ARID3B: variants seen among roughly 807,000 people sequenced by gnomAD.
ARID3B encodes AT-rich interactive domain-containing protein 3B.
A neutral mutation model predicts 51.9 loss-of-function variants in ARID3B; 10 were observed. The ratio of observed to expected loss-of-function variants is 0.19; its 90% CI spans 0.12 to 0.33. The LOEUF (loss-of-function observed/expected upper bound fraction) is 0.33. Ranked by LOEUF, ARID3B falls within the 10% of genes least tolerant of loss-of-function variation. ARID3B has a pLI of 1.00. For missense variants in ARID3B, 483 were observed against 716.3 expected, an observed-to-expected ratio of 0.67 and a Z score of 3.72; for synonymous variants, 205 against 279.5, an observed-to-expected ratio of 0.73 and a Z score of 2.66.
chr15:74,585,673 G>A (rs752401884), intron 4 of ARID3B, among the ~76,000 whole-genome samples: 2 of 152,146 alleles, frequency 1.3e-5, no homozygotes, highest in African/African-American at 2.4e-5. Flanking sequence ...TCACATTTGC[G>A]GAAACTGAGG....
At chr15:74,542,596 A>G (rs2061599086) in intron 1 of ARID3B, among the ~76,000 whole-genome samples, 1 of 152,222 alleles carries the variant, frequency 6.6e-6, no homozygotes, top group Admixed American at 6.5e-5. Flanking sequence ...TTCTCCGTGA[A>G]TTTTTGAAGA....
chr15:74,551,018 T>C (rs1278177647), intron 2 of ARID3B, among the ~76,000 whole-genome samples: 3 of 152,200 alleles, frequency 2.0e-5, no homozygotes, highest in Admixed American at 6.5e-5. Flanking sequence ...AATTTGAGCA[T>C]ACTCAAGTCC....
chr15:74,570,759 ACT>A (rs1212732739), intron 2 of ARID3B, among the ~76,000 whole-genome samples: 3 of 152,112 alleles, frequency 2.0e-5, no homozygotes, highest in African/African-American at 2.4e-5. Flanking sequence ...GGGGAATGTA[ACT>A]CTGTCTGGTT....
At chr15:74,578,959 GAA>G (rs1237535827) in intron 4 of ARID3B, among the ~76,000 whole-genome samples, 1 of 152,164 alleles carries the variant, frequency 6.6e-6, no homozygotes, top group Non-Finnish European at 1.5e-5. Context: ...AGAAACGAAA[GAA>G]AATAGCCTGA....
chr15:74,594,658 C>T (rs994719500), intron 8 of ARID3B, among the ~76,000 whole-genome samples: 1 of 152,254 alleles, frequency 6.6e-6, no homozygotes. Context: ...GGCCACACTC[C>T]CTCAGAGCAC....
chr15:74,588,778 T>A (rs935762705), intron 4 of ARID3B, among the ~76,000 whole-genome samples: 9 of 151,916 alleles, frequency 5.9e-5, no homozygotes, highest in East Asian at 1.9e-4. Context: ...CCTAATCAAG[T>A]CCCTGGCTCC....
chr15:74,561,487 T>G (rs2061679335), intron 2 of ARID3B, among the ~76,000 whole-genome samples: 1 of 152,232 alleles, frequency 6.6e-6, no homozygotes, highest in Non-Finnish European at 1.5e-5. Flanking sequence ...TTCCTTAGGA[T>G]AGAGTCATAG....
At chr15:74,570,695 C>T (rs1044412030) in intron 2 of ARID3B, among the ~76,000 whole-genome samples, 1 of 152,144 alleles carries the variant, frequency 6.6e-6, no homozygotes, top group African/African-American at 2.4e-5. Context: ...GCAGGAATTA[C>T]TGGCTCAAAC....
At chr15:74,551,934 T>C (rs865861798) in intron 2 of ARID3B, among the ~76,000 whole-genome samples, 2 of 152,130 alleles carry the variant, frequency 1.3e-5, no homozygotes, top group African/African-American at 2.4e-5. Context: ...CCTGACCTCA[T>C]TGATTTCTCA....
chr15:74,569,415 C>T (rs1228934671), intron 2 of ARID3B, among the ~76,000 whole-genome samples: 1 of 152,036 alleles, frequency 6.6e-6, no homozygotes, highest in African/African-American at 2.4e-5. Context: ...GGCAAAACCC[C>T]ATCTCTACCA....
chr15:74,556,397 AAAG>A (rs758301348), intron 2 of ARID3B, among the ~76,000 whole-genome samples: 1 of 152,220 alleles, frequency 6.6e-6, no homozygotes, highest in Admixed American at 6.5e-5. Context: ...TGGTAACATC[AAAG>A]ATGACTGATC....
At chr15:74,580,547 A>C (rs532332627) in intron 4 of ARID3B, among the ~76,000 whole-genome samples, 1 of 152,260 alleles carries the variant, frequency 6.6e-6, no homozygotes, top group Non-Finnish European at 1.5e-5. Flanking sequence ...AACCCTTGCA[A>C]CCCATTATCT....
At chr15:74,546,778 C>T (rs542593487) in intron 2 of ARID3B, among the ~76,000 whole-genome samples, 1 of 152,270 alleles carries the variant, frequency 6.6e-6, no homozygotes, top group South Asian at 2.1e-4. Flanking sequence ...ATTTACCTTC[C>T]CCCAGGATTT....
chr15:74,548,479 G>T (rs1168727306), intron 2 of ARID3B, among the ~76,000 whole-genome samples: 2 of 152,216 alleles, frequency 1.3e-5, no homozygotes, highest in African/African-American at 2.4e-5. Flanking sequence ...AGCCAATTCA[G>T]TTGAAAGCAC....
intron 2 of ARID3B, among the ~76,000 whole-genome samples, chr15:74,553,287 A>G (rs1306594585): frequency 3.3e-5 from 5 of 152,246 alleles, no homozygotes; most frequent in Non-Finnish European, 7.4e-5. Context: ...CACTGATCCT[A>G]CTTAGATTTC....
Position 74,591,604 on chromosome 15 carries a change from G to T in ARID3B, c.1210G>T (p.Ala404Ser), listed in dbSNP as rs1331212920. The T allele has an allele frequency of 6.2e-7, 1 of 1,606,066 alleles. No individual in the cohort carries two copies. Among genetic ancestry groups the T allele is most frequent in the African/African-American group, 1.3e-5 (1 of 74,680 alleles). Residue 404 changes from alanine to serine, a missense_variant, in exon 7 of 9, where the codon GCT becomes TCT. This residue lies in a region of ARID3B where 265 missense variants were observed against 354.4 expected (regional missense o/e 0.75). Transcript: ENST00000346246. The surrounding 1 kb of genome is among the most constrained non-coding windows in gnomAD (Gnocchi z 5.8). ...VTTVPVPNRL[A>S]VPVTLASQQA... ...AACAGTGCCTGTGCCAAATCGTCTG[G>T]CTGTGCCCGTGACCTTGGCAAGCCA...
At chr15:74,567,931 T>C (rs2061705634) in intron 2 of ARID3B, among the ~76,000 whole-genome samples, 1 of 152,176 alleles carries the variant, frequency 6.6e-6, no homozygotes, top group Admixed American at 6.5e-5. Context: ...AGGTCAGACC[T>C]TGATTCATTA....
At chr15:74,546,270 T>C (rs1314438500) in intron 2 of ARID3B, among the ~76,000 whole-genome samples, 2 of 152,110 alleles carry the variant, frequency 1.3e-5, no homozygotes, top group Non-Finnish European at 2.9e-5. Flanking sequence ...TGCTGTGTGG[T>C]TGGCAGAGTT....
intron 2 of ARID3B, among the ~76,000 whole-genome samples, chr15:74,551,503 G>C (rs1370306470): frequency 6.6e-6 from 1 of 152,082 alleles, no homozygotes; most frequent in Non-Finnish European, 1.5e-5. Flanking sequence ...TTCTCTACAT[G>C]TGTCCCAGAT....
Sources: gnomAD v4.1 joint callset for allele counts (sites outside exome capture counted in the v4.1 genomes callset) on GRCh38, gnomAD v4.1.1 for gene constraint, gnomAD v4.1.1 regional missense constraint, Gnocchi (gnomAD v3.1) non-coding constraint, MANE v1.5 for transcripts, NCBI Gene and HGNC (gene_info 2026-07-23, HGNC 2026-07-21) for gene names.